Variants in SYCP1 observed in about 807,000 individuals in gnomAD.
SYCP1 encodes the protein cancer/testis antigen 8.
A neutral mutation model predicts 153.1 loss-of-function variants in SYCP1; 64 were observed. The ratio of observed to expected loss-of-function variants is 0.42; its 90% CI spans 0.34 to 0.51. SYCP1 has a LOEUF of 0.51. SYCP1 is among the 20% of genes least tolerant of loss of function. The pLI, the probability that SYCP1 is intolerant of heterozygous loss-of-function variation, is 0.06. For missense variants in SYCP1, 997 were observed against 1,049.0 expected (o/e 0.95, Z 0.68); for synonymous variants, 384 against 341.8 (o/e 1.12, Z -1.36).
chr1:114,963,749 A>G (rs1342895770), intron 27 of SYCP1, among the ~76,000 whole-genome samples: 2 of 152,194 alleles, frequency 1.3e-5, no homozygotes, highest in Non-Finnish European at 2.9e-5. Flanking sequence ...TATATGTGCC[A>G]CATTTTCTTT....
intron 18 of SYCP1, 47 bp from the exon 19 acceptor site, chr1:114,912,986 A>AT: frequency 7.5e-7 from 1 of 1,332,608 alleles, no homozygotes; most frequent in Non-Finnish European, 1.1e-6. Context: ...ATATTATGTC[A>AT]TTACATTTGT....
At chr1:114,930,766 A>T (rs1669573143) in intron 23 of SYCP1, among the ~76,000 whole-genome samples, 1 of 151,962 alleles carries the variant, frequency 6.6e-6, no homozygotes, top group Non-Finnish European at 1.5e-5. Context: ...CCTAACAAAG[A>T]CATTATAATA....
intron 29 of SYCP1, among the ~76,000 whole-genome samples, chr1:114,982,420 T>C (rs987867015): frequency 1.4e-4 from 21 of 151,610 alleles, no homozygotes; most frequent in Admixed American, 1.4e-3. Context: ...TTTTTCTTCA[T>C]TTTTTTTCTA....
At chr1:114,873,065 A>G (rs2101438502) in intron 8 of SYCP1, among the ~76,000 whole-genome samples, 1 of 152,250 alleles carries the variant, frequency 6.6e-6, no homozygotes, top group East Asian at 1.9e-4. Flanking sequence ...CGTGATGTCT[A>G]CTTTATGTAC....
chr1:114,909,409 A>G (rs535275470), intron 16 of SYCP1, among the ~76,000 whole-genome samples: 33 of 151,292 alleles, frequency 2.2e-4, no homozygotes, highest in African/African-American at 7.8e-4. Flanking sequence ...TTTACTTGTT[A>G]AAATCCTTAG....
At chr1:114,885,476 T>A in intron 12 of SYCP1, 59 bp from the exon 13 acceptor site, 1 of 971,842 alleles carries the variant, frequency 1.0e-6, no homozygotes, top group South Asian at 1.5e-5. Flanking sequence ...AAATAATACT[T>A]AGTTTTCTTG....
At chr1:114,981,567 TTC>T in intron 29 of SYCP1, 55 bp downstream of exon 29, 2 of 1,456,126 alleles carry the variant, frequency 1.4e-6, no homozygotes, top group Non-Finnish European at 1.9e-6. Flanking sequence ...ATAAATAAAG[TTC>T]TGTTATCACC....
intron 28 of SYCP1, among the ~76,000 whole-genome samples, chr1:114,980,615 C>T (rs904055822): frequency 6.6e-6 from 1 of 151,670 alleles, no homozygotes; most frequent in Non-Finnish European, 1.5e-5. Context: ...TGAAAGAGAA[C>T]GAATGAAAGT....
At chr1:114,867,553 T>G (rs2101375865) in intron 8 of SYCP1, among the ~76,000 whole-genome samples, 1 of 152,306 alleles carries the variant, frequency 6.6e-6, no homozygotes, top group East Asian at 1.9e-4. Flanking sequence ...AAATTCCGCT[T>G]ATTCATTGCT....
chr1:114,872,468 T>C (rs1022586323), intron 8 of SYCP1, among the ~76,000 whole-genome samples: 2 of 152,170 alleles, frequency 1.3e-5, no homozygotes, highest in African/African-American at 4.8e-5. Flanking sequence ...AGCTTTATCT[T>C]TGATTTTTTG....
intron 16 of SYCP1, among the ~76,000 whole-genome samples, chr1:114,897,633 T>G (rs893511506): frequency 1.3e-5 from 2 of 152,070 alleles, no homozygotes; most frequent in Non-Finnish European, 2.9e-5. Context: ...CACAATTACC[T>G]ATCAGCGAAG....
intron 16 of SYCP1, among the ~76,000 whole-genome samples, chr1:114,898,869 C>T (rs1179382598): frequency 1.3e-5 from 2 of 152,198 alleles, no homozygotes; most frequent in South Asian, 2.1e-4. Context: ...TTTGTATCCT[C>T]AAATACCTCT....
intron 25 of SYCP1, among the ~76,000 whole-genome samples, chr1:114,945,183 C>T (rs1670631520): frequency 6.6e-6 from 1 of 151,990 alleles, no homozygotes; most frequent in Admixed American, 6.5e-5. Context: ...CTGTGTGTCA[C>T]ATCCTTGAGG....
At chr1:114,923,709 C>A (rs1669061565) in intron 21 of SYCP1, 179 bp downstream of exon 21, 3 of 464,924 alleles carry the variant, frequency 6.5e-6, no homozygotes, top group Non-Finnish European at 6.7e-6. Flanking sequence ...CTATTGATAT[C>A]TATATCTAGA....
intron 30 of SYCP1, among the ~76,000 whole-genome samples, chr1:114,994,376 CTG>C (rs1469489717): frequency 1.3e-5 from 2 of 151,318 alleles, no homozygotes; most frequent in Non-Finnish European, 3.0e-5. Flanking sequence ...GACTCTGAAA[CTG>C]AAATAGAAAT....
intron 15 of SYCP1, among the ~76,000 whole-genome samples, chr1:114,891,664 A>C (rs1380180586): frequency 6.6e-6 from 1 of 152,060 alleles, no homozygotes; most frequent in African/African-American, 2.4e-5. Context: ...TTATTCTTGT[A>C]CTCATTTTTC....
At chr1:114,900,247 C>T (rs1667336013) in intron 16 of SYCP1, among the ~76,000 whole-genome samples, 1 of 152,080 alleles carries the variant, frequency 6.6e-6, no homozygotes, top group Admixed American at 6.6e-5. Flanking sequence ...AATTCTTTAA[C>T]CTTAGGCAAC....
intron 12 of SYCP1, among the ~76,000 whole-genome samples, chr1:114,881,054 TATACACAC>T (rs1260950678): frequency 6.4e-5 from 5 of 77,950 alleles, no homozygotes; most frequent in South Asian, 3.3e-4. Context: ...AATTTGTGTA[TATACACAC>T]ACACACACAC....
chr1:114,917,629 T>C (rs1220439444), intron 20 of SYCP1, among the ~76,000 whole-genome samples: 1 of 152,160 alleles, frequency 6.6e-6, no homozygotes, highest in Non-Finnish European at 1.5e-5. Context: ...TTTCTCTGCA[T>C]CCTCGCCAGT....
Sources: gnomAD v4.1 joint callset for allele counts (sites outside exome capture counted in the v4.1 genomes callset) on GRCh38, gnomAD v4.1.1 for gene constraint, MANE v1.5 for transcripts, NCBI Gene and HGNC (gene_info 2026-07-23, HGNC 2026-07-21) for gene names.